The following CCSER1 variants were observed in gnomAD, a reference collection of about 807,000 sequenced individuals.
The protein encoded by CCSER1 is coiled-coil serine rich protein 1.
Under a neutral mutation model 82.0 loss-of-function variants are expected in CCSER1, and 41 were observed. That is an observed-to-expected ratio of 0.50 (90% CI 0.39 to 0.65). The LOEUF (loss-of-function observed/expected upper bound fraction) is 0.65. CCSER1 is among the 30% of genes least tolerant of loss of function. The pLI, the probability that CCSER1 is intolerant of heterozygous loss-of-function variation, is 0.00. For missense variants in CCSER1, 1,119 were observed against 1,064.2 expected, an observed-to-expected ratio of 1.05 and a Z score of -0.72; for synonymous variants, 414 against 383.9, an observed-to-expected ratio of 1.08 and a Z score of -0.92.
intron 10 of CCSER1, among the ~76,000 whole-genome samples, chr4:91,324,652 C>A (rs1746426255): frequency 6.6e-6 from 1 of 152,046 alleles, no homozygotes; most frequent in South Asian, 2.1e-4. Flanking sequence ...GAGTAATAAA[C>A]AAACAAAATA....
At chr4:91,178,807 G>T (rs1031141868) in intron 10 of CCSER1, among the ~76,000 whole-genome samples, 3 of 151,570 alleles carry the variant, frequency 2.0e-5, no homozygotes, top group Non-Finnish European at 4.4e-5. Context: ...TCCATTTAAG[G>T]TTAATATTGT....
chr4:90,515,019 G>A (rs1424085241), intron 5 of CCSER1, among the ~76,000 whole-genome samples: 2 of 151,662 alleles, frequency 1.3e-5, no homozygotes, highest in South Asian at 2.1e-4. Context: ...CATCATGCCC[G>A]GCTGATTTTT....
At chr4:90,171,972 A>G (rs1317148394) in intron 1 of CCSER1, among the ~76,000 whole-genome samples, 2 of 151,938 alleles carry the variant, frequency 1.3e-5, no homozygotes, top group African/African-American at 2.4e-5. Flanking sequence ...AATCTTATTC[A>G]TATCACTATT....
intron 1 of CCSER1, among the ~76,000 whole-genome samples, chr4:90,271,849 TATATATATA>T (rs1726452283): frequency 2.1e-4 from 5 of 24,192 alleles, no homozygotes; most frequent in African/African-American, 5.1e-4. Flanking sequence ...TATATATATA[TATATATATA>T]TATATTTTTT....
intron 6 of CCSER1, among the ~76,000 whole-genome samples, chr4:90,692,641 G>A (rs184721350): frequency 2.4e-4 from 36 of 151,884 alleles, no homozygotes; most frequent in African/African-American, 8.0e-4. Context: ...CTTCATGAAC[G>A]ACCATTTTAT....
chr4:90,702,806 A>G (rs1738436791), intron 6 of CCSER1, among the ~76,000 whole-genome samples: 1 of 151,966 alleles, frequency 6.6e-6, no homozygotes, highest in African/African-American at 2.4e-5. Flanking sequence ...TTTCTGTGGG[A>G]TCATTGGCAA....
At chr4:90,457,358 C>T (rs1293896119) in intron 4 of CCSER1, among the ~76,000 whole-genome samples, 1 of 152,186 alleles carries the variant, frequency 6.6e-6, no homozygotes, top group Non-Finnish European at 1.5e-5. Flanking sequence ...TTCTCGTGCT[C>T]ACAACATGCT....
intron 1 of CCSER1, among the ~76,000 whole-genome samples, chr4:90,223,974 A>G (rs753945115): frequency 1.3e-5 from 2 of 152,370 alleles, no homozygotes; most frequent in East Asian, 1.9e-4. Flanking sequence ...TAGATAGAAC[A>G]TGCTCAGTAA....
intron 1 of CCSER1, among the ~76,000 whole-genome samples, chr4:90,180,687 C>A (rs1259077010): frequency 2.0e-5 from 3 of 152,144 alleles, no homozygotes; most frequent in African/African-American, 7.2e-5. Context: ...TTTTGAATCA[C>A]AGAATTAGCA....
chr4:90,233,239 A>C (rs1161314093), intron 1 of CCSER1, among the ~76,000 whole-genome samples: 7 of 152,228 alleles, frequency 4.6e-5, no homozygotes, highest in African/African-American at 1.7e-4. Context: ...TCCAACAATG[A>C]TAGACTGGAT....
At chr4:91,285,922 C>T (rs1201939511) in intron 10 of CCSER1, among the ~76,000 whole-genome samples, 1 of 151,216 alleles carries the variant, frequency 6.6e-6, no homozygotes, top group Non-Finnish European at 1.5e-5. Context: ...CCTGTGAATA[C>T]CTATCTAGAA....
At chr4:90,785,885 A>AT (rs2149634513) in intron 7 of CCSER1, among the ~76,000 whole-genome samples, 1 of 152,238 alleles carries the variant, frequency 6.6e-6, no homozygotes, top group East Asian at 1.9e-4. Flanking sequence ...TTTTTCTGCA[A>AT]TTGCTTGTTA....
At chr4:91,103,370 T>C (rs1299459997) in intron 10 of CCSER1, among the ~76,000 whole-genome samples, 1 of 152,112 alleles carries the variant, frequency 6.6e-6, no homozygotes, top group African/African-American at 2.4e-5. Context: ...GATCACCACA[T>C]CCTCACCTAT....
At chr4:90,612,229 A>G (rs973813314) in intron 5 of CCSER1, among the ~76,000 whole-genome samples, 2 of 152,186 alleles carry the variant, frequency 1.3e-5, no homozygotes, top group African/African-American at 2.4e-5. Context: ...AAAGTTTTAG[A>G]GAGAAACTAT....
rs191833062 is a variant in CCSER1, at chr4:90,375,041, A to G, written c.1510-24995A>G. Among the ~76,000 whole-genome samples the G allele has an allele frequency of 1.4e-4, 22 of 152,282 alleles. No individual in the cohort carries two copies. The East Asian group carries it at 3.7e-3, about 25-fold the overall frequency. On this transcript the variant is annotated intron_variant, in intron 3 of 10. Transcript: ENST00000509176. ...CTTCCTCCTGGTCAATAAACCTAGAAAGAAGATTGGCCATGAAGTGCAGCT... is the reference window on the plus strand; with the variant it reads ...CTTCCTCCTGGTCAATAAACCTAGAGAGAAGATTGGCCATGAAGTGCAGCT...
At chr4:91,215,779 A>G (rs964713027) in intron 10 of CCSER1, among the ~76,000 whole-genome samples, 13 of 152,204 alleles carry the variant, frequency 8.5e-5, no homozygotes, top group African/African-American at 1.2e-4. Flanking sequence ...TTGACACTCA[A>G]TATCAACCAT....
At chr4:91,385,987 T>C (rs916717503) in intron 10 of CCSER1, among the ~76,000 whole-genome samples, 1 of 151,932 alleles carries the variant, frequency 6.6e-6, no homozygotes, top group Non-Finnish European at 1.5e-5. Context: ...TACATATATA[T>C]GTATATGTAC....
chr4:91,491,283 C>T (rs1001243951), intron 10 of CCSER1, among the ~76,000 whole-genome samples: 8 of 151,898 alleles, frequency 5.3e-5, no homozygotes, highest in Admixed American at 5.3e-4. Flanking sequence ...CCCTCTCCAT[C>T]GCCTATTAAA....
At chr4:90,767,623 T>C (rs1359316888) in intron 7 of CCSER1, among the ~76,000 whole-genome samples, 1 of 152,148 alleles carries the variant, frequency 6.6e-6, no homozygotes. Context: ...CTTTTATTCA[T>C]GTGGCTTAGT....
Sources: allele counts gnomAD v4.1 joint callset (sites outside exome capture counted in the v4.1 genomes callset), GRCh38; gene constraint gnomAD v4.1.1; transcripts MANE v1.5; gene names NCBI Gene and HGNC (gene_info 2026-07-23, HGNC 2026-07-21).